Variants in FHIT observed in about 807,000 individuals in gnomAD.
The protein encoded by FHIT is fragile histidine triad diadenosine triphosphatase.
Under a neutral mutation model 17.9 loss-of-function variants are expected in FHIT, and 19 were observed. The ratio of observed to expected loss-of-function variants is 1.06; its 90% CI spans 0.74 to 1.56. FHIT has a LOEUF of 1.56. Among genes scored for constraint, FHIT ranks in the 40% most tolerant of loss-of-function variants. The probability of loss-of-function intolerance (pLI) is 0.00; values close to 1 mark genes in which losing one functional copy is unlikely to be tolerated. For synonymous variants in FHIT, 81 were observed against 69.7 expected (o/e 1.16, Z -0.81); for missense variants, 248 against 189.2 (o/e 1.31, Z -1.82).
chr3:60,564,324 C>A (rs368398515), intron 4 of FHIT, among the ~76,000 whole-genome samples: 14 of 152,272 alleles, frequency 9.2e-5, no homozygotes, highest in Middle Eastern at 6.8e-3. Context: ...CACCCAAGGG[C>A]TCTGATAGAG....
At chr3:60,846,339 A>G (rs1702923795) in intron 3 of FHIT, among the ~76,000 whole-genome samples, 2 of 152,256 alleles carry the variant, frequency 1.3e-5, no homozygotes, top group Admixed American at 6.5e-5. Flanking sequence ...TAGGAGTTAG[A>G]AACACATTTA....
At chr3:61,239,778 T>TATATATATATATATATATATATATAC (rs2040327854) in intron 1 of FHIT, among the ~76,000 whole-genome samples, 1 of 144,378 alleles carries the variant, frequency 6.9e-6, no homozygotes, top group Non-Finnish European at 1.5e-5. Context: ...TATATATATA[T>TATATATATATATATATATATATATAC]ATATATACAC....
chr3:60,183,501 C>G (rs987370761), intron 5 of FHIT, among the ~76,000 whole-genome samples: 8 of 152,198 alleles, frequency 5.3e-5, no homozygotes, highest in Non-Finnish European at 8.8e-5. Flanking sequence ...CCGTGACTAA[C>G]AAGTTTGACT....
intron 3 of FHIT, among the ~76,000 whole-genome samples, chr3:60,879,480 G>A (rs1470625379): frequency 6.6e-6 from 1 of 152,124 alleles, no homozygotes; most frequent in South Asian, 2.1e-4. Flanking sequence ...CAAATGCATA[G>A]ACATTGATGT....
intron 4 of FHIT, among the ~76,000 whole-genome samples, chr3:60,668,879 C>T (rs575154143): frequency 1.3e-5 from 2 of 152,160 alleles, no homozygotes; most frequent in East Asian, 1.9e-4. Flanking sequence ...TGTCTTTCAG[C>T]GCTCTCATTT....
At chr3:60,413,747 T>C (rs560028036) in intron 5 of FHIT, among the ~76,000 whole-genome samples, 2 of 152,228 alleles carry the variant, frequency 1.3e-5, no homozygotes, top group East Asian at 3.9e-4. Flanking sequence ...TATGTAGTTG[T>C]CCATGTCAAT....
At chr3:61,202,799 C>A (rs1269386048) in intron 1 of FHIT, among the ~76,000 whole-genome samples, 1 of 152,130 alleles carries the variant, frequency 6.6e-6, no homozygotes, top group Non-Finnish European at 1.5e-5. Context: ...CGCCTGTAAT[C>A]CCAGCACTTT....
chr3:60,753,172 A>G (rs17063921), intron 4 of FHIT, among the ~76,000 whole-genome samples: 5,374 of 152,294 alleles, frequency 0.035, 322 homozygotes, highest in African/African-American at 0.12. Flanking sequence ...GCATTTTTAT[A>G]AAGCAGATCC....
chr3:60,368,210 A>G (rs1318436643), intron 5 of FHIT, among the ~76,000 whole-genome samples: 1 of 150,252 alleles, frequency 6.7e-6, no homozygotes, highest in Non-Finnish European at 1.5e-5. Flanking sequence ...AAAAAAAAAA[A>G]AAGAAACTGA....
At chr3:60,172,517 C>A (rs562260847) in intron 5 of FHIT, among the ~76,000 whole-genome samples, 1 of 152,046 alleles carries the variant, frequency 6.6e-6, no homozygotes, top group Admixed American at 6.6e-5. Flanking sequence ...CTCAGGTGAT[C>A]CGCCTGCCTT....
intron 8 of FHIT, among the ~76,000 whole-genome samples, chr3:59,844,554 C>A (rs1020839399): frequency 6.6e-6 from 1 of 152,018 alleles, no homozygotes; most frequent in Non-Finnish European, 1.5e-5. Context: ...GTGGCAGATG[C>A]TCTTTCTGCA....
chr3:60,636,125 C>T (rs145584607), intron 4 of FHIT, among the ~76,000 whole-genome samples: 32 of 151,576 alleles, frequency 2.1e-4, no homozygotes, highest in East Asian at 7.8e-4. Context: ...AGTGCAGTGG[C>T]GCCATCTCAA....
At chr3:59,916,948 C>T (rs535440657) in intron 8 of FHIT, among the ~76,000 whole-genome samples, 1 of 152,316 alleles carries the variant, frequency 6.6e-6, no homozygotes, top group East Asian at 1.9e-4. Context: ...CATCAGTAAA[C>T]CCAGAAGACA....
intron 4 of FHIT, among the ~76,000 whole-genome samples, chr3:60,803,856 C>T (rs1701287282): frequency 6.6e-6 from 1 of 151,698 alleles, no homozygotes; most frequent in African/African-American, 2.4e-5. Context: ...ACAGGCCAAG[C>T]CTTCTTCAGA....
intron 1 of FHIT, among the ~76,000 whole-genome samples, chr3:61,226,036 A>C (rs975062902): frequency 6.6e-6 from 1 of 152,196 alleles, no homozygotes; most frequent in African/African-American, 2.4e-5. Context: ...TCTCTGCTTA[A>C]TGATTTTCCA....
At chr3:60,921,603 T>C (rs1315458705) in intron 3 of FHIT, among the ~76,000 whole-genome samples, 3 of 152,358 alleles carry the variant, frequency 2.0e-5, no homozygotes, top group East Asian at 3.9e-4. Context: ...ATCCTTTGAA[T>C]ATGAAATGCC....
intron 5 of FHIT, among the ~76,000 whole-genome samples, chr3:60,420,981 C>T (rs1167047659): frequency 3.3e-5 from 5 of 151,908 alleles, no homozygotes; most frequent in African/African-American, 1.2e-4. Context: ...ATCTCCTCCT[C>T]ACCAGTTATC....
At chr3:61,096,169 C>T (rs1267259164) in intron 2 of FHIT, among the ~76,000 whole-genome samples, 2 of 152,124 alleles carry the variant, frequency 1.3e-5, no homozygotes, top group South Asian at 2.1e-4. Flanking sequence ...CAAAGAAACA[C>T]CCTAAATGAT....
intron 2 of FHIT, among the ~76,000 whole-genome samples, chr3:61,126,672 G>A (rs531199692): frequency 2.6e-5 from 4 of 152,202 alleles, no homozygotes; most frequent in African/African-American, 4.8e-5. Context: ...ACACAGAGCC[G>A]AACCATATCA....
Sources: gnomAD v4.1 joint callset for allele counts (sites outside exome capture counted in the v4.1 genomes callset) on GRCh38, gnomAD v4.1.1 for gene constraint, MANE v1.5 for transcripts, NCBI Gene and HGNC (gene_info 2026-07-23, HGNC 2026-07-21) for gene names.